The following CCNB1 variants were observed in gnomAD, a reference collection of about 807,000 sequenced individuals.
The protein encoded by CCNB1 is cyclin B1, also known as G2/mitotic-specific cyclin-B1.
A neutral mutation model predicts 44.4 loss-of-function variants in CCNB1; 26 were observed. That is an observed-to-expected ratio of 0.59 (90% CI 0.43 to 0.81). The LOEUF (loss-of-function observed/expected upper bound fraction) is 0.81, where lower values mean the gene tolerates loss of function less well. CCNB1 is among the 40% of genes least tolerant of loss of function. The pLI, the probability that CCNB1 is intolerant of heterozygous loss-of-function variation, is 0.00. For synonymous variants in CCNB1, 195 were observed against 181.4 expected, an observed-to-expected ratio of 1.08 and a Z score of -0.60; for missense variants, 477 against 520.9, an observed-to-expected ratio of 0.92 and a Z score of 0.82.
At chr5:69,174,577 GTC>G (rs1747537923) in intron 5 of CCNB1, among the ~76,000 whole-genome samples, 168 bp downstream of exon 5, 1 of 152,056 alleles carries the variant, frequency 6.6e-6, no homozygotes, top group African/African-American at 2.4e-5. Context: ...GTAAAACCCT[GTC>G]TCTACTAAAA....
chr5:69,176,544 T>A (rs145211787), intron 7 of CCNB1, among the ~76,000 whole-genome samples: 11,454 of 147,784 alleles, frequency 0.078, 602 homozygotes, highest in African/African-American at 0.13. Flanking sequence ...ATATATATAT[T>A]TTTTTTTAGT....
At chr5:69,172,174 T>A (rs1352169649) in intron 4 of CCNB1, among the ~76,000 whole-genome samples, 1 of 151,904 alleles carries the variant, frequency 6.6e-6, no homozygotes, top group Non-Finnish European at 1.5e-5. Context: ...GTCTCCTGGG[T>A]TCAAGCAATT....
chr5:69,175,255 C>A, intron 6 of CCNB1, 142 bp downstream of exon 6: 3 of 1,037,324 alleles, frequency 2.9e-6, no homozygotes, highest in Non-Finnish European at 4.3e-6. Flanking sequence ...TCTAGTCAGG[C>A]TGCATGTTAA....
chr5:69,177,129 A>AT (rs1435933096), intron 7 of CCNB1, 110 bp from the exon 8 acceptor site: 6 of 588,562 alleles, frequency 1.0e-5, no homozygotes, highest in Non-Finnish European at 1.8e-5. Flanking sequence ...CAGTTATATT[A>AT]ATTATACAGT....
chr5:69,173,386 A>G (rs569325037), intron 4 of CCNB1, among the ~76,000 whole-genome samples: 1 of 152,332 alleles, frequency 6.6e-6, no homozygotes, highest in African/African-American at 2.4e-5. Context: ...ATCACAGCCT[A>G]TAATGTATAC....
In CCNB1 at chr5:69,175,982, A is replaced by AATATATATATATATAT. The variant is rs68140968; in HGVS notation, c.1083+463_1083+478dup. Among the ~76,000 whole-genome samples, 439 of 116,290 alleles carry AATATATATATATATAT rather than the reference A, an allele frequency of 3.8e-3. 6 individuals are homozygous for AATATATATATATATAT. The highest frequency in any genetic ancestry group is 0.015 in the East Asian group (48 of 3,238). The allele number at this position is 116,290 out of a possible 152,430, so 76.3% of individuals were successfully genotyped here. A position where few individuals can be genotyped will look rare whatever the true frequency, so the allele number is the denominator to read the frequency against. On this transcript the variant is annotated intron_variant, in intron 7 of 8. Transcript: ENST00000256442. ...CCTCATCTTTACAAAAAATATATAA[A>AATATATATATATATAT]ATATATATATATATATATATATATA...
chr5:69,174,480 C>G, intron 5 of CCNB1, 71 bp downstream of exon 5: 1 of 1,469,102 alleles, frequency 6.8e-7, no homozygotes, highest in Non-Finnish European at 9.4e-7. Flanking sequence ...GTTTTCAGGC[C>G]AGTCTGGGCG....
At chr5:69,176,089 TA>T (rs1747583559) in intron 7 of CCNB1, among the ~76,000 whole-genome samples, 1 of 150,416 alleles carries the variant, frequency 6.6e-6, no homozygotes, top group South Asian at 2.1e-4. Flanking sequence ...GGTCTCTCTA[TA>T]TTACCCAGGC....
chr5:69,167,676 T>A (rs1409672285), intron 1 of CCNB1, among the ~76,000 whole-genome samples: 1 of 152,110 alleles, frequency 6.6e-6, no homozygotes, highest in Non-Finnish European at 1.5e-5. Context: ...ATTCTCGGTA[T>A]TTTAGGGCTG....
rs1361612900 is a variant in CCNB1 at position 69,169,312 on chromosome 5, CTCCGAA to C, written c.363+970_363+975del. On this transcript the variant is annotated intron_variant, in intron 3 of 8. Transcript: ENST00000256442. ...GACCTCATGATCCGCCCGCCTCGGCCTCCGAAAGTGCTGGGATTACAGGCGTTAGCC... is the reference window on the plus strand; with the variant it reads ...GACCTCATGATCCGCCCGCCTCGGCCAGTGCTGGGATTACAGGCGTTAGCC... Among the ~76,000 whole-genome samples the C allele has an allele frequency of 1.5e-4, 23 of 152,322 alleles. 1 individual carries two copies. Among genetic ancestry groups the C allele is most frequent in the Admixed American group, 1.5e-3 (23 of 15,292 alleles).
In CCNB1 at chr5:69,167,226, T is replaced by C. The variant is rs768751677; in HGVS notation, c.-37T>C. 11 of 1,544,056 alleles carry C rather than the reference T, an allele frequency of 7.1e-6. No individual in the cohort carries two copies. In the African/African-American group the frequency reaches 1.5e-4, roughly 21 times the overall value. On this transcript the variant is annotated 5_prime_UTR_variant, in exon 1 of 9. Coordinates refer to ENST00000256442, the MANE Select transcript of CCNB1 (RefSeq NM_031966.4). ...CTGGTCGGGCCTCCGGTGTTCTGCT[T>C]CTCCCCGCTGAGCTGCTGCCTGGTG...
chr5:69,167,901 C>T lies in CCNB1; in HGVS notation c.22-7C>T, dbSNP rs1382470878. 102 of 1,606,398 alleles carry T rather than the reference C, an allele frequency of 6.3e-5. No homozygotes were observed. The highest frequency in any genetic ancestry group is 8.5e-5 in the Non-Finnish European group (100 of 1,177,148). On this transcript the variant is annotated splice_polypyrimidine_tract_variant and splice_region_variant and intron_variant, in intron 1 of 8. Transcript: ENST00000256442. Reference sequence around the variant, plus strand: ...ATCAGCTCTTAAAGTGGTCTTGCTTCTTTCAGAACTCGAAAATTAATGCTG... The same window carrying T: ...ATCAGCTCTTAAAGTGGTCTTGCTTTTTTCAGAACTCGAAAATTAATGCTG...
At chr5:69,170,838 G>T (rs1747443303) in intron 3 of CCNB1, among the ~76,000 whole-genome samples, 1 of 152,230 alleles carries the variant, frequency 6.6e-6, no homozygotes, top group Admixed American at 6.5e-5. Flanking sequence ...GGCTAGTCTG[G>T]AACTCATGGT....
chr5:69,176,387 C>G (rs1487425158), intron 7 of CCNB1, among the ~76,000 whole-genome samples: 1 of 151,854 alleles, frequency 6.6e-6, no homozygotes, highest in Non-Finnish European at 1.5e-5. Context: ...GACGGAGTCT[C>G]TCTCTGTCGC....
chr5:69,167,179 T>C lies in CCNB1; in HGVS notation c.-84T>C, dbSNP rs1288116764. 10 of 1,221,588 alleles carry C rather than the reference T, an allele frequency of 8.2e-6. No homozygotes were observed. Among genetic ancestry groups the C allele is most frequent in the African/African-American group, 6.2e-5 (4 of 64,436 alleles). 75.7% of individuals were successfully genotyped at this position (1,221,588 alleles called of 1,614,324 possible). A position where few individuals can be genotyped will look rare whatever the true frequency, so the allele number is the denominator to read the frequency against. ...TGCTGCGGCGGAACGGCTGTTGGTT[T>C]CTGCTGGGTGTAGGTCCTTGGCTGG... On this transcript the variant is annotated 5_prime_UTR_variant, in exon 1 of 9. Transcript: ENST00000256442.
intron 3 of CCNB1, among the ~76,000 whole-genome samples, chr5:69,168,803 AAAT>A (rs1747396994): frequency 6.6e-6 from 1 of 152,246 alleles, no homozygotes. Context: ...TATGGCTACT[AAAT>A]AATAAGCCTG....
chr5:69,169,690 T>C (rs1208753165), intron 3 of CCNB1, among the ~76,000 whole-genome samples: 1 of 152,116 alleles, frequency 6.6e-6, no homozygotes, highest in African/African-American at 2.4e-5. Flanking sequence ...TCTCACTCTG[T>C]TGCCCAGACT....
At chr5:69,167,369 G>A in intron 1 of CCNB1, 86 bp downstream of exon 1, 1 of 1,507,490 alleles carries the variant, frequency 6.6e-7, no homozygotes, top group Non-Finnish European at 9.1e-7. Flanking sequence ...CTCCCGAGCG[G>A]GAGAGGGCCG....
At chr5:69,167,360 TCCCGAGCGGGAGAGGGCCG>T in intron 1 of CCNB1, 77 bp downstream of exon 1, 2 of 1,542,740 alleles carry the variant, frequency 1.3e-6, no homozygotes, top group Non-Finnish European at 1.8e-6. Context: ...TGCGGGAGCC[TCCCGAGCGGGAGAGGGCCG>T]CAGGAGCGAT....
Sources: allele counts gnomAD v4.1 joint callset (sites outside exome capture counted in the v4.1 genomes callset), GRCh38; gene constraint gnomAD v4.1.1; transcripts MANE v1.5; gene names NCBI Gene and HGNC (gene_info 2026-07-23, HGNC 2026-07-21).